OPCML: variants seen among roughly 807,000 people sequenced by gnomAD.
OPCML encodes opioid binding protein/cell adhesion molecule like.
A neutral mutation model predicts 37.8 loss-of-function variants in OPCML; 13 were observed. The observed-to-expected ratio is 0.34, with a 90% CI of 0.22 to 0.55. The LOEUF (loss-of-function observed/expected upper bound fraction) is 0.55, where lower values mean the gene tolerates loss of function less well. Ranked by LOEUF, OPCML falls within the 20% of genes least tolerant of loss-of-function variation. OPCML has a pLI of 0.91. For missense variants in OPCML, 341 were observed against 435.6 expected (o/e 0.78, Z 1.93); for synonymous variants, 176 against 168.8 (o/e 1.04, Z -0.33).
chr11:133,021,488 G>A (rs910297815), intron 1 of OPCML, among the ~76,000 whole-genome samples: 9 of 152,072 alleles, frequency 5.9e-5, no homozygotes, highest in East Asian at 3.9e-4. Flanking sequence ...ATGGTTGTAC[G>A]TAAGGCTTTC....
chr11:132,543,400 T>C (rs1044266488), intron 3 of OPCML, among the ~76,000 whole-genome samples: 1 of 151,864 alleles, frequency 6.6e-6, no homozygotes, highest in Admixed American at 6.6e-5. Context: ...ATAGTCCTGA[T>C]TACTCGGGAG....
At chr11:133,492,329 G>C (rs1277334672) in intron 1 of OPCML, among the ~76,000 whole-genome samples, 1 of 152,166 alleles carries the variant, frequency 6.6e-6, no homozygotes, top group African/African-American at 2.4e-5. Flanking sequence ...TCATATGGAT[G>C]CTTTTGGCCT....
At chr11:133,163,041 A>T (rs1592063039) in intron 1 of OPCML, among the ~76,000 whole-genome samples, 4 of 152,348 alleles carry the variant, frequency 2.6e-5, no homozygotes, top group Middle Eastern at 3.4e-3. Flanking sequence ...TAACATAGGT[A>T]GTGTGTCTGA....
intron 1 of OPCML, among the ~76,000 whole-genome samples, chr11:133,068,619 C>T (rs962294506): frequency 1.9e-4 from 29 of 152,166 alleles, no homozygotes; most frequent in African/African-American, 6.5e-4. Flanking sequence ...CACAGGAGGG[C>T]CTGTCAGGGT....
At chr11:132,688,311 T>C (rs993516601) in intron 2 of OPCML, among the ~76,000 whole-genome samples, 7 of 152,166 alleles carry the variant, frequency 4.6e-5, no homozygotes, top group Admixed American at 4.6e-4. Context: ...TCACTCATGC[T>C]CTTTGAACCG....
At chr11:132,537,187 C>G (rs1280387564) in intron 3 of OPCML, among the ~76,000 whole-genome samples, 1 of 152,114 alleles carries the variant, frequency 6.6e-6, no homozygotes. Context: ...CCTTTAATTC[C>G]CAACACATTC....
At chr11:132,928,073 T>C (rs1435963981) in intron 2 of OPCML, among the ~76,000 whole-genome samples, 2 of 151,932 alleles carry the variant, frequency 1.3e-5, no homozygotes, top group East Asian at 3.9e-4. Context: ...AAAAAAACTA[T>C]AAAGTGTACA....
chr11:132,429,920 G>GT (rs1358618040), intron 7 of OPCML, among the ~76,000 whole-genome samples: 1 of 152,116 alleles, frequency 6.6e-6, no homozygotes, highest in Non-Finnish European at 1.5e-5. Flanking sequence ...GATAGGGCAG[G>GT]TGCCGGAGGA....
At chr11:132,592,461 C>A (rs888259258) in intron 3 of OPCML, among the ~76,000 whole-genome samples, 4 of 152,198 alleles carry the variant, frequency 2.6e-5, no homozygotes, top group South Asian at 2.1e-4. Context: ...CAGCAAAGGG[C>A]CAGGGGCCTC....
At chr11:133,280,342 G>C (rs1436171416) in intron 1 of OPCML, among the ~76,000 whole-genome samples, 1 of 152,154 alleles carries the variant, frequency 6.6e-6, no homozygotes, top group African/African-American at 2.4e-5. Context: ...GTTGCAGTAG[G>C]AAAAAATGTT....
intron 1 of OPCML, among the ~76,000 whole-genome samples, chr11:133,528,223 C>T (rs536283847): frequency 1.8e-4 from 28 of 152,246 alleles, no homozygotes; most frequent in Non-Finnish European, 3.4e-4. Context: ...CTGATGCTAT[C>T]TCCTTCTCAG....
intron 3 of OPCML, among the ~76,000 whole-genome samples, chr11:132,645,038 T>C (rs994061801): frequency 1.3e-5 from 2 of 152,258 alleles, no homozygotes; most frequent in African/African-American, 4.8e-5. Context: ...CCCATTAAAT[T>C]GATTGCAGCA....
intron 1 of OPCML, among the ~76,000 whole-genome samples, chr11:133,529,298 A>G (rs752729437): frequency 2.6e-5 from 4 of 152,154 alleles, no homozygotes; most frequent in Non-Finnish European, 5.9e-5. Flanking sequence ...GCACATATCT[A>G]GCAGTATTCG....
intron 1 of OPCML, among the ~76,000 whole-genome samples, chr11:133,158,888 C>T (rs983399189): frequency 3.3e-5 from 5 of 151,994 alleles, no homozygotes; most frequent in East Asian, 1.9e-4. Flanking sequence ...GTACCACCAG[C>T]GAGGGCAGAA....
In OPCML at chr11:133,130,433, T is replaced by C. The variant is rs150015620; in HGVS notation, c.62-187423A>G. ...TTTCATTTACATTAGCACCAAAATA[T>C]TGAAATACTTAGATATAAATCTAAC... On this transcript the variant is annotated intron_variant, in intron 1 of 7. Transcript: ENST00000524381. Among the ~76,000 whole-genome samples the C allele has an allele frequency of 5.4e-3, 829 of 152,218 alleles. 10 individuals carry two copies. Among genetic ancestry groups the C allele is most frequent in the African/African-American group, 0.018 (765 of 41,548 alleles).
intron 3 of OPCML, among the ~76,000 whole-genome samples, chr11:132,602,593 C>T (rs148302291): frequency 1.1e-3 from 172 of 152,326 alleles, no homozygotes; most frequent in African/African-American, 4.1e-3. Flanking sequence ...CACCTTCCTA[C>T]TCCTTTGCGT....
intron 1 of OPCML, chr11:133,004,458 GTGTGCT>G (rs931413246): frequency 4.1e-6 from 4 of 985,354 alleles, no homozygotes; most frequent in Non-Finnish European, 4.8e-6. Context: ...GGAGGCTGAG[GTGTGCT>G]TGGTGGAGGG....
intron 3 of OPCML, among the ~76,000 whole-genome samples, chr11:132,622,994 C>A (rs999694731): frequency 6.6e-6 from 1 of 152,050 alleles, no homozygotes; most frequent in Non-Finnish European, 1.5e-5. Context: ...CGAGATAATG[C>A]GGAAGAAAGA....
chr11:132,814,051 A>G (rs1939493656), intron 2 of OPCML, among the ~76,000 whole-genome samples: 1 of 152,228 alleles, frequency 6.6e-6, no homozygotes, highest in East Asian at 1.9e-4. Context: ...TTCTGATCAC[A>G]AAGTATGTGT....
Sources: allele counts gnomAD v4.1 joint callset (sites outside exome capture counted in the v4.1 genomes callset), GRCh38; gene constraint gnomAD v4.1.1; transcripts MANE v1.5; gene names NCBI Gene and HGNC (gene_info 2026-07-23, HGNC 2026-07-21).